The following UST variants were observed in gnomAD, a reference collection of about 807,000 sequenced individuals.
UST encodes chondroitin sulfate 2-O-sulfotransferase.
A neutral mutation model predicts 45.6 loss-of-function variants in UST; 21 were observed. The ratio of observed to expected loss-of-function variants is 0.46; its 90% CI spans 0.33 to 0.66. The LOEUF (loss-of-function observed/expected upper bound fraction) is 0.66, where lower values mean the gene tolerates loss of function less well. Ranked by LOEUF, UST falls within the 30% of genes least tolerant of loss-of-function variation. The pLI is 0.02. For missense variants in UST, 463 were observed against 512.4 expected (o/e 0.90, Z 0.93); for synonymous variants, 215 against 200.6 (o/e 1.07, Z -0.61).
Position 148,747,312 on chromosome 6 carries a change from C to G in UST, c.-119C>G. The stretch of plus-strand genomic sequence containing the variant: ...AACTTCGGCCCCTCCCCGCCCCCAC[C>G]CGGCTGCCCTCCGCGCGGCCCTCCC... On this transcript the variant is annotated 5_prime_UTR_variant, in exon 1 of 8. Coordinates refer to ENST00000367463, the MANE Select transcript of UST (RefSeq NM_005715.3). 1 of 1,241,044 alleles carries G rather than the reference C, an allele frequency of 8.1e-7. No homozygotes were observed. The highest frequency in any genetic ancestry group is 1.0e-6 in the Non-Finnish European group (1 of 968,284). 76.9% of individuals were successfully genotyped at this position (1,241,044 alleles called of 1,614,324 possible).
intron 1 of UST, among the ~76,000 whole-genome samples, chr6:148,854,391 T>C (rs1295286605): frequency 6.6e-6 from 1 of 152,232 alleles, no homozygotes; most frequent in Non-Finnish European, 1.5e-5. Context: ...GCTATTCTGT[T>C]TTCCCCACAG....
chr6:149,034,971 A>G (rs537400422), intron 7 of UST, among the ~76,000 whole-genome samples: 84 of 151,238 alleles, frequency 5.6e-4, no homozygotes, highest in Non-Finnish European at 1.0e-3. Context: ...TTTAGTGGAT[A>G]CTTTCAGGCT....
At chr6:149,029,405 T>A (rs1776102136) in intron 7 of UST, among the ~76,000 whole-genome samples, 1 of 140,774 alleles carries the variant, frequency 7.1e-6, no homozygotes, top group South Asian at 2.2e-4. Context: ...ATATTATATA[T>A]AAAATATATA....
intron 1 of UST, among the ~76,000 whole-genome samples, chr6:148,844,061 C>T (rs911017784): frequency 6.6e-6 from 1 of 152,206 alleles, no homozygotes; most frequent in African/African-American, 2.4e-5. Flanking sequence ...TTTATACCAT[C>T]GTCTCCTTTA....
chr6:148,794,315 C>T (rs980738181), intron 1 of UST, among the ~76,000 whole-genome samples: 1 of 152,106 alleles, frequency 6.6e-6, no homozygotes, highest in Non-Finnish European at 1.5e-5. Context: ...GTTTCTTATA[C>T]TTCTTGTGAT....
intron 7 of UST, among the ~76,000 whole-genome samples, chr6:149,045,312 G>A (rs1261747589): frequency 1.3e-5 from 2 of 152,150 alleles, no homozygotes; most frequent in South Asian, 2.1e-4. Flanking sequence ...TCACCTTCAT[G>A]GTATACTAAA....
chr6:148,858,444 C>A (rs772041781), intron 1 of UST, among the ~76,000 whole-genome samples: 3 of 151,500 alleles, frequency 2.0e-5, no homozygotes, highest in Non-Finnish European at 4.4e-5. Context: ...AGTCCACTGA[C>A]TCAAATGGCA....
At chr6:148,939,106 C>T (rs1159456416) in intron 2 of UST, among the ~76,000 whole-genome samples, 3 of 152,016 alleles carry the variant, frequency 2.0e-5, no homozygotes, top group Non-Finnish European at 4.4e-5. Flanking sequence ...GAGAAGAATT[C>T]TATTTATAAT....
chr6:148,840,038 C>T (rs1777860332), intron 1 of UST, among the ~76,000 whole-genome samples: 1 of 152,098 alleles, frequency 6.6e-6, no homozygotes, highest in African/African-American at 2.4e-5. Context: ...GAGTCGGACT[C>T]CAGTCAGGAA....
chr6:148,937,757 G>A (rs915473210), intron 2 of UST, among the ~76,000 whole-genome samples: 6 of 152,066 alleles, frequency 3.9e-5, no homozygotes, highest in African/African-American at 1.2e-4. Context: ...TTGCTATTCC[G>A]TAATGTGCTA....
At chr6:148,844,776 C>A (rs1398441106) in intron 1 of UST, among the ~76,000 whole-genome samples, 1 of 152,152 alleles carries the variant, frequency 6.6e-6, no homozygotes, top group Non-Finnish European at 1.5e-5. Flanking sequence ...GCAACCCACG[C>A]TCCTGTCATT....
At chr6:149,067,835 T>C (rs1776764490) in intron 7 of UST, among the ~76,000 whole-genome samples, 1 of 152,202 alleles carries the variant, frequency 6.6e-6, no homozygotes, top group Non-Finnish European at 1.5e-5. Flanking sequence ...GTCTGTCGTT[T>C]TCCGAACATG....
chr6:148,955,316 C>G (rs986370959), intron 4 of UST, among the ~76,000 whole-genome samples: 1 of 152,242 alleles, frequency 6.6e-6, no homozygotes, highest in Non-Finnish European at 1.5e-5. Flanking sequence ...CATCCAAGGA[C>G]TTCCCTGCTA....
At chr6:149,041,767 G>A (rs536464393) in intron 7 of UST, among the ~76,000 whole-genome samples, 4 of 152,208 alleles carry the variant, frequency 2.6e-5, no homozygotes, top group Non-Finnish European at 5.9e-5. Flanking sequence ...CTGCCTCCAG[G>A]CCTCCATTCC....
At chr6:148,860,838 G>C (rs1778298947) in intron 1 of UST, among the ~76,000 whole-genome samples, 1 of 152,192 alleles carries the variant, frequency 6.6e-6, no homozygotes, top group South Asian at 2.1e-4. Flanking sequence ...GCATCCCAGG[G>C]ATGAAGCCCA....
At chr6:148,769,124 A>C (rs546234820) in intron 1 of UST, among the ~76,000 whole-genome samples, 9 of 152,240 alleles carry the variant, frequency 5.9e-5, no homozygotes, top group Non-Finnish European at 8.8e-5. Context: ...GGACAGCTGC[A>C]TGCAGCCTTG....
intron 1 of UST, among the ~76,000 whole-genome samples, chr6:148,838,951 T>G (rs1468046410): frequency 6.6e-6 from 1 of 152,206 alleles, no homozygotes; most frequent in African/African-American, 2.4e-5. Context: ...TGCCCCCATA[T>G]GCAGCTGCCC....
chr6:148,844,188 CTT>C (rs1777940246), intron 1 of UST, among the ~76,000 whole-genome samples: 1 of 152,232 alleles, frequency 6.6e-6, no homozygotes, highest in East Asian at 1.9e-4. Flanking sequence ...ATGAAAATAA[CTT>C]TTATTTATTG....
intron 1 of UST, among the ~76,000 whole-genome samples, chr6:148,772,515 T>A: frequency 6.6e-6 from 1 of 151,692 alleles, no homozygotes. Context: ...CTCTGCCTCC[T>A]GGGTTCAAGC....
Sources: allele counts gnomAD v4.1 joint callset (sites outside exome capture counted in the v4.1 genomes callset), GRCh38; gene constraint gnomAD v4.1.1; transcripts MANE v1.5; gene names NCBI Gene and HGNC (gene_info 2026-07-23, HGNC 2026-07-21).